ELMO1: variants seen among roughly 807,000 people sequenced by gnomAD.
The protein encoded by ELMO1 is engulfment and cell motility 1.
Under a neutral mutation model 98.9 loss-of-function variants are expected in ELMO1, and 26 were observed. That is an observed-to-expected ratio of 0.26 (90% CI 0.19 to 0.36). The LOEUF is 0.36. Ranked by LOEUF, ELMO1 falls within the 10% of genes least tolerant of loss-of-function variation. The pLI, the probability that ELMO1 is intolerant of heterozygous loss-of-function variation, is 1.00. For missense variants in ELMO1, 627 were observed against 935.2 expected (o/e 0.67, Z 4.30); for synonymous variants, 346 against 346.0 (o/e 1.00, Z 0.00).
chr7:37,157,084 A>G (rs1166328820), intron 13 of ELMO1, among the ~76,000 whole-genome samples: 3 of 152,232 alleles, frequency 2.0e-5, no homozygotes, highest in East Asian at 3.8e-4. Flanking sequence ...ATCTCAATAG[A>G]TGCAGAAAAG....
intron 7 of ELMO1, among the ~76,000 whole-genome samples, chr7:37,236,061 T>C (rs1001367450): frequency 1.3e-5 from 2 of 152,224 alleles, no homozygotes; most frequent in African/African-American, 2.4e-5. Flanking sequence ...AGATAAAGTA[T>C]ATTTATGTTC....
At chr7:36,986,344 T>C (rs1791506270) in intron 16 of ELMO1, 1 of 854,758 alleles carries the variant, frequency 1.2e-6, no homozygotes, top group Non-Finnish European at 1.4e-6. Flanking sequence ...AATAACTTCG[T>C]TTCTATTTTA....
chr7:37,043,711 G>A (rs936253473), intron 15 of ELMO1, among the ~76,000 whole-genome samples: 7 of 152,112 alleles, frequency 4.6e-5, no homozygotes, highest in African/African-American at 1.4e-4. Context: ...AAAGGTTCCC[G>A]GTGAATCTAA....
intron 4 of ELMO1, among the ~76,000 whole-genome samples, chr7:37,304,557 A>AAT (rs1354131176): frequency 6.6e-6 from 1 of 152,104 alleles, no homozygotes. Flanking sequence ...CTCTACTAAA[A>AAT]ATACAAAAAT....
intron 15 of ELMO1, among the ~76,000 whole-genome samples, chr7:37,073,338 AT>A (rs1797381025): frequency 6.6e-6 from 1 of 152,180 alleles, no homozygotes; most frequent in Admixed American, 6.5e-5. Flanking sequence ...ATGATCCCAC[AT>A]TTTTTATATA....
intron 1 of ELMO1, among the ~76,000 whole-genome samples, chr7:37,432,731 C>T (rs755468000): frequency 2.0e-5 from 3 of 152,214 alleles, no homozygotes; most frequent in Non-Finnish European, 4.4e-5. Context: ...CCTCGTCACC[C>T]ACAGGCACTG....
At chr7:37,258,347 G>A (rs1253315501) in intron 6 of ELMO1, among the ~76,000 whole-genome samples, 1 of 151,980 alleles carries the variant, frequency 6.6e-6, no homozygotes. Context: ...AGGCTGAGGT[G>A]GGAGGATCAC....
At chr7:37,260,340 G>A (rs1436491604) in intron 5 of ELMO1, among the ~76,000 whole-genome samples, 7 of 152,098 alleles carry the variant, frequency 4.6e-5, no homozygotes, top group African/African-American at 9.7e-5. Context: ...CCATTAATGA[G>A]GTATCTCTCC....
intron 13 of ELMO1, among the ~76,000 whole-genome samples, chr7:37,156,554 T>C (rs545478677): frequency 6.6e-6 from 1 of 152,216 alleles, no homozygotes; most frequent in East Asian, 1.9e-4. Flanking sequence ...TCTACACAAA[T>C]AAACTAGAAA....
At chr7:37,067,185 C>T (rs536732321) in intron 15 of ELMO1, among the ~76,000 whole-genome samples, 51 of 152,304 alleles carry the variant, frequency 3.3e-4, no homozygotes, top group African/African-American at 1.2e-3. Flanking sequence ...CCACTGATTA[C>T]TGAGGGTGGC....
At chr7:37,326,666 G>C (rs571253020) in intron 2 of ELMO1, among the ~76,000 whole-genome samples, 1 of 152,098 alleles carries the variant, frequency 6.6e-6, no homozygotes, top group South Asian at 2.1e-4. Context: ...CTTGTTTCAA[G>C]CTTCATGAAA....
rs777983831 is a variant in ELMO1, at chr7:37,191,872, C to T, written c.1086+19514G>A. On this transcript the variant is annotated intron_variant, in intron 13 of 21. Coordinates refer to ENST00000310758, the MANE Select transcript of ELMO1 (RefSeq NM_014800.11). ...GAAGGAGGTTGCAGTGAGCCAAGAT[C>T]GCACCAGTGACTACCGCCTGGGCGA... Among the ~76,000 whole-genome samples the T allele has an allele frequency of 3.0e-4, 46 of 152,086 alleles. 1 individual carries two copies.
chr7:36,937,858 T>C (rs1786681475), intron 16 of ELMO1, among the ~76,000 whole-genome samples: 1 of 152,196 alleles, frequency 6.6e-6, no homozygotes, highest in African/African-American at 2.4e-5. Flanking sequence ...TGAAGGAAGC[T>C]GGAGGGATTC....
At chr7:36,948,959 G>C (rs956685239) in intron 16 of ELMO1, among the ~76,000 whole-genome samples, 3 of 152,088 alleles carry the variant, frequency 2.0e-5, no homozygotes, top group African/African-American at 7.2e-5. Flanking sequence ...AGGTTCAAGC[G>C]ATTCTCCTGC....
chr7:37,290,124 C>T (rs1000095364), intron 4 of ELMO1, among the ~76,000 whole-genome samples: 2 of 152,204 alleles, frequency 1.3e-5, no homozygotes, highest in Non-Finnish European at 2.9e-5. Flanking sequence ...TAGACTTACT[C>T]TCTGCCATGA....
chr7:37,015,473 C>A (rs913638298), intron 15 of ELMO1, among the ~76,000 whole-genome samples: 2 of 152,042 alleles, frequency 1.3e-5, no homozygotes, highest in Non-Finnish European at 2.9e-5. Flanking sequence ...TGGTGGCATG[C>A]CGCTGTAGTC....
chr7:37,303,067 CTATGCCTGCCCTT>C (rs1475104095), intron 4 of ELMO1, among the ~76,000 whole-genome samples: 1 of 142,132 alleles, frequency 7.0e-6, no homozygotes, highest in African/African-American at 3.1e-5. Context: ...TGCCTGCCCC[CTATGCCTGCCCTT>C]GGGTCACCAG....
intron 18 of ELMO1, among the ~76,000 whole-genome samples, chr7:36,886,938 C>T (rs1410176850): frequency 2.6e-5 from 4 of 152,190 alleles, no homozygotes; most frequent in Non-Finnish European, 4.4e-5. Flanking sequence ...AGAAGAGAAG[C>T]AGTGTGGGAG....
At chr7:36,906,919 T>G (rs187271127) in intron 16 of ELMO1, among the ~76,000 whole-genome samples, 6 of 152,208 alleles carry the variant, frequency 3.9e-5, no homozygotes, top group African/African-American at 1.4e-4. Flanking sequence ...TTTAGAAATA[T>G]ATGTCCATTC....
Sources: gnomAD v4.1 joint callset for allele counts (sites outside exome capture counted in the v4.1 genomes callset) on GRCh38, gnomAD v4.1.1 for gene constraint, MANE v1.5 for transcripts, NCBI Gene and HGNC (gene_info 2026-07-23, HGNC 2026-07-21) for gene names.